The following ACTMAP variants were observed in gnomAD, a reference collection of about 807,000 sequenced individuals.
The protein encoded by ACTMAP is UPF0692 protein C19orf54.
chr19:40,746,698 C>T, the ACTMAP span, among the ~76,000 whole-genome samples: 4 of 151,910 alleles, frequency 2.6e-5, no homozygotes, highest in African/African-American at 7.2e-5. Flanking sequence ...TTAGTAGATA[C>T]GGGGTTTCTC....
At chr19:40,748,938 G>A in the ACTMAP span, among the ~76,000 whole-genome samples, 1 of 151,156 alleles carries the variant, frequency 6.6e-6, no homozygotes, top group Non-Finnish European at 1.5e-5. Context: ...GTCACTGTCT[G>A]GAAAGGTGGA....
chr19:40,749,721 G>A, the ACTMAP span: 3 of 1,512,718 alleles, frequency 2.0e-6, no homozygotes, highest in Non-Finnish European at 8.8e-7. Context: ...TAGAGGAGGA[G>A]ATGGAATGCT....
At chr19:40,743,802 C>G in the ACTMAP span, 1 of 1,442,110 alleles carries the variant, frequency 6.9e-7, no homozygotes, top group Non-Finnish European at 9.7e-7. Flanking sequence ...AGTGCCCAGC[C>G]TGGCTGGGGA....
chr19:40,746,215 TTTGTTTG>T, the ACTMAP span, among the ~76,000 whole-genome samples: 2 of 151,670 alleles, frequency 1.3e-5, no homozygotes, highest in African/African-American at 4.8e-5. Flanking sequence ...TTCCTTTTTG[TTTGTTTG>T]TTTGTTTGTT....
At chr19:40,742,368 G>T in the ACTMAP span, 1 of 1,380,288 alleles carries the variant, frequency 7.2e-7, no homozygotes, top group Non-Finnish European at 9.6e-7. Flanking sequence ...TCACACAGTG[G>T]GAGAAGTGTA....
At chr19:40,747,867 AAAAC>A in the ACTMAP span, among the ~76,000 whole-genome samples, 401 of 152,128 alleles carry the variant, frequency 2.6e-3, 12 homozygotes, top group East Asian at 0.056. Flanking sequence ...CCCTGTCCCA[AAAAC>A]AAACAAACAA....
At chr19:40,744,361 C>T in the ACTMAP span, among the ~76,000 whole-genome samples, 3 of 152,140 alleles carry the variant, frequency 2.0e-5, no homozygotes, top group East Asian at 1.9e-4. Context: ...ATGGCCCCAG[C>T]GAAGAGGTGG....
chr19:40,744,209 A>G, the ACTMAP span: 5 of 1,550,850 alleles, frequency 3.2e-6, no homozygotes, highest in African/African-American at 4.1e-5. Flanking sequence ...GCAGGGTGAG[A>G]GCACACAGAG....
the ACTMAP span, chr19:40,744,416 G>C: frequency 7.0e-7 from 1 of 1,438,448 alleles, no homozygotes; most frequent in Non-Finnish European, 9.3e-7. Context: ...AGTCCATCTT[G>C]TAACCTCTCT....
At chr19:40,743,849 A>G in the ACTMAP span, 1 of 1,588,284 alleles carries the variant, frequency 6.3e-7, no homozygotes, top group Non-Finnish European at 8.6e-7. Context: ...CAGGAGGATT[A>G]ATGGAGGCCG....
chr19:40,744,937 T>A, the ACTMAP span: 1 of 810,866 alleles, frequency 1.2e-6, no homozygotes, highest in South Asian at 1.7e-5. Flanking sequence ...GCTCATTCGT[T>A]CATTCCTCGC....
At chr19:40,744,192 G>C in the ACTMAP span, 2 of 1,574,646 alleles carry the variant, frequency 1.3e-6, no homozygotes, top group Non-Finnish European at 1.7e-6. Flanking sequence ...TGCCCATATC[G>C]GCCACTGCAG....
At chr19:40,742,408 C>A in the ACTMAP span, 7 of 1,450,134 alleles carry the variant, frequency 4.8e-6, no homozygotes, top group South Asian at 1.0e-4. Flanking sequence ...CCGAGCTAGG[C>A]TGCAGCCTGA....
chr19:40,742,879 T>A, the ACTMAP span: 1 of 1,092,850 alleles, frequency 9.2e-7, no homozygotes. Flanking sequence ...GCAGCTGCCA[T>A]TCCTAGGTTA....
chr19:40,743,922 T>C, the ACTMAP span: 3 of 1,614,024 alleles, frequency 1.9e-6, no homozygotes, highest in Non-Finnish European at 2.5e-6. Context: ...CACCGCCCAG[T>C]GTGCCTTGTG....
At chr19:40,743,797 C>G in the ACTMAP span, 1 of 1,412,958 alleles carries the variant, frequency 7.1e-7, no homozygotes, top group Non-Finnish European at 9.9e-7. Flanking sequence ...TGCTAAGTGC[C>G]CAGCCTGGCT....
At chr19:40,741,151 C>G in the ACTMAP span, 5 of 399,276 alleles carry the variant, frequency 1.3e-5, no homozygotes, top group Non-Finnish European at 1.8e-5. Flanking sequence ...GTTAGAAATA[C>G]TGCACTGTGG....
the ACTMAP span, chr19:40,742,697 G>A: frequency 6.2e-7 from 1 of 1,612,942 alleles, no homozygotes; most frequent in South Asian, 1.1e-5. Flanking sequence ...CCAGCACTGG[G>A]TGGAACAGGC....
At chr19:40,744,850 G>T in the ACTMAP span, 1 of 1,123,712 alleles carries the variant, frequency 8.9e-7, no homozygotes, top group Non-Finnish European at 1.2e-6. Flanking sequence ...CTGGAGGGCT[G>T]GGGGTGGAAG....
Sources: gnomAD v4.1 joint callset for allele counts (sites outside exome capture counted in the v4.1 genomes callset) on GRCh38, gnomAD v4.1.1 for gene constraint, MANE v1.5 for transcripts, NCBI Gene and HGNC (gene_info 2026-07-23, HGNC 2026-07-21) for gene names.